Variants in HORMAD2 observed in about 807,000 individuals in gnomAD.
HORMAD2 encodes HORMA domain-containing protein 2.
A neutral mutation model predicts 38.8 loss-of-function variants in HORMAD2; 45 were observed. The observed-to-expected ratio is 1.16, with a 90% CI of 0.91 to 1.49. The LOEUF is 1.49. Ranked by LOEUF, HORMAD2 falls within the 40% of genes most tolerant of loss-of-function variation. The pLI is 0.00. For missense variants in HORMAD2, 338 were observed against 367.0 expected (o/e 0.92, Z 0.65); for synonymous variants, 126 against 122.8 (o/e 1.03, Z -0.17).
At position 30,121,675 on chromosome 22, in the gene HORMAD2, G is replaced by C; in HGVS notation, c.454G>C (p.Asp152His). Residue 152 changes from aspartate to histidine, a missense_variant, in exon 9 of 11, where the codon GAT becomes CAT. Transcript: ENST00000336726. The part of the protein sequence containing the change: ...TSFESGTNNE[D>H]IKKASVLLIR... ...CTTTGAAAGTGGAACAAACAATGAA[G>C]ATATTAAGAAAGCCAGTGTTCTACT... 3 of 1,605,184 alleles carry C rather than the reference G, an allele frequency of 1.9e-6. No homozygotes were observed. Among genetic ancestry groups the C allele is most frequent in the Non-Finnish European group, 1.7e-6 (2 of 1,175,560 alleles).
At chr22:30,099,268 T>C (rs1920928400) in intron 3 of HORMAD2, among the ~76,000 whole-genome samples, 1 of 152,234 alleles carries the variant, frequency 6.6e-6, no homozygotes, top group Non-Finnish European at 1.5e-5. Flanking sequence ...GATCAAAATC[T>C]ATTTGAATGC....
Position 30,112,483 on chromosome 22 carries a change from T to C in HORMAD2, c.316-13T>C. 1 of 1,381,378 alleles carries C rather than the reference T, an allele frequency of 7.2e-7. No individual in the cohort carries two copies. Among genetic ancestry groups the C allele is most frequent in the Non-Finnish European group, 9.8e-7 (1 of 1,020,210 alleles). 85.6% of individuals were successfully genotyped at this position (1,381,378 alleles called of 1,614,324 possible). A position where few individuals can be genotyped will look rare whatever the true frequency, so the allele number is the denominator to read the frequency against. The stretch of plus-strand genomic sequence containing the variant: ...TTCCAGAAATTAAATGATGTTTATT[T>C]TCCCTTATACAGCTTTACACAGATC... On this transcript the variant is annotated splice_polypyrimidine_tract_variant and intron_variant, in intron 6 of 10. Coordinates refer to ENST00000336726, the MANE Select transcript of HORMAD2 (RefSeq NM_152510.4).
chr22:30,139,419 G>A (rs930229517), intron 10 of HORMAD2, among the ~76,000 whole-genome samples: 9 of 149,588 alleles, frequency 6.0e-5, no homozygotes, highest in Non-Finnish European at 1.2e-4. Flanking sequence ...TGACTGATAC[G>A]CTTGCTGAAC....
At chr22:30,165,367 A>G (rs1160815006) in intron 10 of HORMAD2, among the ~76,000 whole-genome samples, 2 of 152,128 alleles carry the variant, frequency 1.3e-5, no homozygotes, top group Non-Finnish European at 2.9e-5. Flanking sequence ...TTTCTTATTC[A>G]AGATTGTTTT....
At chr22:30,077,863 C>T (rs1327381696), upstream of HORMAD2, among the ~76,000 whole-genome samples, 6 of 152,150 alleles carry the variant, frequency 3.9e-5, no homozygotes, top group Non-Finnish European at 5.9e-5. Context: ...CTTAAGTAAC[C>T]GATTCATTCA....
At chr22:30,183,913 C>T in the HORMAD2 span, among the ~76,000 whole-genome samples, 1 of 152,206 alleles carries the variant, frequency 6.6e-6, no homozygotes, top group Non-Finnish European at 1.5e-5. Context: ...CTTCATTCCC[C>T]TGCCTTCAAT....
Position 30,093,960 on chromosome 22 carries a change from C to A in HORMAD2, c.8C>A (p.Thr3Asn). 2 of 1,606,242 alleles carry A rather than the reference C, an allele frequency of 1.2e-6. No homozygotes were observed. The highest frequency in any genetic ancestry group is 1.7e-6 in the Non-Finnish European group (2 of 1,175,136). MA[T>N]AQLSHCITIH... ...TCCTGATACATTCCTACAATGGCCA[C>A]TGCTCAGCTTTCTCACTGCATCACA... Residue 3 changes from threonine to asparagine, a missense_variant, in exon 2 of 11, where the codon ACT becomes AAT. Thr to Asn is a moderately conservative substitution (Grantham distance 65). Coordinates refer to ENST00000336726, the MANE Select transcript of HORMAD2 (RefSeq NM_152510.4).
chr22:30,092,374 T>C (rs1468740653), intron 1 of HORMAD2, among the ~76,000 whole-genome samples: 1 of 150,742 alleles, frequency 6.6e-6, no homozygotes, highest in Non-Finnish European at 1.5e-5. Context: ...GCTTTTGAGT[T>C]GCTTGCACTT....
At chr22:30,186,051 T>C in the HORMAD2 span, among the ~76,000 whole-genome samples, 13 of 152,262 alleles carry the variant, frequency 8.5e-5, no homozygotes, top group East Asian at 2.1e-3. Flanking sequence ...TCTTTTTCTT[T>C]CTTGATTTAA....
At chr22:30,142,631 C>T (rs548190794) in intron 10 of HORMAD2, among the ~76,000 whole-genome samples, 2 of 152,258 alleles carry the variant, frequency 1.3e-5, no homozygotes, top group East Asian at 1.9e-4. Flanking sequence ...TCTCCAGTTA[C>T]AACCTCTGCC....
chr22:30,191,360 T>C, the HORMAD2 span, among the ~76,000 whole-genome samples: 1 of 152,124 alleles, frequency 6.6e-6, no homozygotes. Context: ...TCTCTGAAAC[T>C]TTCTGAAGGA....
downstream of HORMAD2, among the ~76,000 whole-genome samples, chr22:30,180,931 CCTCT>C (rs1926681494): frequency 4.1e-5 from 1 of 24,638 alleles, no homozygotes; most frequent in Non-Finnish European, 1.1e-4. Context: ...CCTCTCCTCT[CCTCT>C]CCTCTCCTCT....
chr22:30,205,520 G>A, the HORMAD2 span, among the ~76,000 whole-genome samples: 5 of 152,076 alleles, frequency 3.3e-5, no homozygotes, highest in African/African-American at 4.8e-5. Context: ...ATTCCCGGAC[G>A]TCCAGCTCCC....
chr22:30,101,438 G>A (rs1211924475), intron 3 of HORMAD2, among the ~76,000 whole-genome samples: 4 of 151,800 alleles, frequency 2.6e-5, no homozygotes, highest in Non-Finnish European at 5.9e-5. Context: ...CTGTAGGGGG[G>A]TGGGGGGCAA....
the HORMAD2 span, chr22:30,207,167 A>G: frequency 1.1e-5 from 5 of 459,174 alleles, no homozygotes; most frequent in Admixed American, 1.2e-4. Context: ...GCCCAGGCTG[A>G]ATCCGCAGAG....
At chr22:30,206,230 G>A in the HORMAD2 span, among the ~76,000 whole-genome samples, 3,292 of 151,952 alleles carry the variant, frequency 0.022, 58 homozygotes, top group South Asian at 0.078. Context: ...GCAATGGCAC[G>A]ATCTCAGCTC....
intron 8 of HORMAD2, among the ~76,000 whole-genome samples, 179 bp from the exon 9 acceptor site, chr22:30,121,453 A>C (rs546864175): frequency 6.6e-6 from 1 of 152,296 alleles, no homozygotes; most frequent in Admixed American, 6.5e-5. Context: ...CTACTTAAGA[A>C]ATTCTTTGTA....
intron 1 of HORMAD2, among the ~76,000 whole-genome samples, chr22:30,081,964 G>T (rs2068486109): frequency 1.3e-5 from 2 of 151,998 alleles, no homozygotes; most frequent in South Asian, 4.1e-4. Context: ...GTGAGATTTA[G>T]GTTAAGTTTC....
chr22:30,090,490 T>C (rs1278670764), intron 1 of HORMAD2, among the ~76,000 whole-genome samples: 1 of 152,270 alleles, frequency 6.6e-6, no homozygotes, highest in East Asian at 1.9e-4. Flanking sequence ...ATATGAATTA[T>C]GTGGCTATGA....
Sources: gnomAD v4.1 joint callset for allele counts (sites outside exome capture counted in the v4.1 genomes callset) on GRCh38, gnomAD v4.1.1 for gene constraint, MANE v1.5 for transcripts, NCBI Gene and HGNC (gene_info 2026-07-23, HGNC 2026-07-21) for gene names.